CNTN6: variants seen among roughly 807,000 people sequenced by gnomAD.
CNTN6 encodes contactin-6.
CNTN6 carries 137 observed loss-of-function variants against 122.8 expected under a neutral mutation model. That is an observed-to-expected ratio of 1.12 (90% CI 0.97 to 1.29). The LOEUF (loss-of-function observed/expected upper bound fraction) is 1.29. CNTN6 is among the 50% of genes most tolerant of loss of function. The pLI, the probability that CNTN6 is intolerant of heterozygous loss-of-function variation, is 0.00. For synonymous variants in CNTN6, 570 were observed against 426.0 expected, an observed-to-expected ratio of 1.34 and a Z score of -4.16; for missense variants, 1,634 against 1,223.4, an observed-to-expected ratio of 1.34 and a Z score of -5.01.
intron 17 of CNTN6, among the ~76,000 whole-genome samples, chr3:1,377,381 C>A (rs144694624): frequency 5.9e-5 from 9 of 152,068 alleles, no homozygotes; most frequent in African/African-American, 2.2e-4. Context: ...GATTTGTTAC[C>A]TGTGGCACTG....
intron 6 of CNTN6, among the ~76,000 whole-genome samples, chr3:1,296,633 G>A (rs1377856301): frequency 6.6e-6 from 1 of 152,092 alleles, no homozygotes; most frequent in East Asian, 1.9e-4. Flanking sequence ...TGCTAATGAA[G>A]CATAACAGAA....
At chr3:1,343,377 C>G (rs1359417332) in intron 11 of CNTN6, among the ~76,000 whole-genome samples, 1 of 152,102 alleles carries the variant, frequency 6.6e-6, no homozygotes, top group African/African-American at 2.4e-5. Context: ...AACTTTTGTA[C>G]TGCTTTAAGG....
rs1171101315 is a variant in CNTN6, at chr3:1,321,709, A to G, written c.821A>G (p.Lys274Arg). 1 of 1,611,856 alleles carries G rather than the reference A, an allele frequency of 6.2e-7. No homozygotes were observed. Among genetic ancestry groups the G allele is most frequent in the Admixed American group, 1.7e-5 (1 of 59,780 alleles). Residue 274 changes from lysine (K) to arginine (R), a missense_variant, in exon 8 of 23, where the codon AAG (lysine) becomes AGG (arginine). By Grantham distance (26) the Lys-to-Arg change is conservative (BLOSUM62 2). Transcript: ENST00000446702. ...GGGAGCCCGTTGCCAGGGAAAGTCA[A>G]GTACAGCAAATCCCAAGCTATCCTT... ...LDGSPLPGKVKYSKSQAILEI... is the reference protein window; with the variant it reads ...LDGSPLPGKVRYSKSQAILEI...
At chr3:1,212,351 A>ACCAT (rs968562066) in intron 2 of CNTN6, among the ~76,000 whole-genome samples, 5 of 149,022 alleles carry the variant, frequency 3.4e-5, no homozygotes, top group African/African-American at 9.9e-5. Flanking sequence ...GGTGTGAGCC[A>ACCAT]CCATGCCCAG....
intron 1 of CNTN6, among the ~76,000 whole-genome samples, chr3:1,107,658 T>G (rs1160254999): frequency 6.6e-6 from 1 of 152,084 alleles, no homozygotes; most frequent in Non-Finnish European, 1.5e-5. Context: ...CCAGGTGTGG[T>G]GGCTAATTTC....
chr3:1,202,268 C>T (rs72999864), intron 2 of CNTN6, among the ~76,000 whole-genome samples: 16,023 of 152,130 alleles, frequency 0.11, 910 homozygotes, highest in Non-Finnish European at 0.13. Flanking sequence ...GGGCCGGGCG[C>T]GGTGGCTCAC....
At chr3:1,382,348 G>C (rs1054900279) in intron 17 of CNTN6, among the ~76,000 whole-genome samples, 3 of 152,120 alleles carry the variant, frequency 2.0e-5, no homozygotes, top group Non-Finnish European at 2.9e-5. Context: ...TATAGAATCT[G>C]ATCTTTGTGA....
chr3:1,343,995 G>T (rs1441166565), intron 11 of CNTN6, among the ~76,000 whole-genome samples: 1 of 152,130 alleles, frequency 6.6e-6, no homozygotes, highest in African/African-American at 2.4e-5. Context: ...GTACAAGACA[G>T]TAAAATGATT....
chr3:1,275,894 C>T (rs1398416882), intron 4 of CNTN6, among the ~76,000 whole-genome samples: 1 of 152,134 alleles, frequency 6.6e-6, no homozygotes, highest in Non-Finnish European at 1.5e-5. Flanking sequence ...TCATCTCCTG[C>T]TGCGTGGTTT....
chr3:1,254,150 C>G (rs2094716008), intron 4 of CNTN6, among the ~76,000 whole-genome samples: 1 of 152,112 alleles, frequency 6.6e-6, no homozygotes, highest in African/African-American at 2.4e-5. Flanking sequence ...TTTTTAAAGA[C>G]ATAAAATATA....
intron 8 of CNTN6, among the ~76,000 whole-genome samples, chr3:1,323,811 A>G (rs947570080): frequency 1.3e-5 from 2 of 151,794 alleles, no homozygotes; most frequent in Non-Finnish European, 1.5e-5. Flanking sequence ...CTCTTCTCCC[A>G]TGAATTTCCT....
chr3:1,333,124 G>C (rs1473813586), intron 11 of CNTN6, among the ~76,000 whole-genome samples: 4 of 151,986 alleles, frequency 2.6e-5, no homozygotes, highest in African/African-American at 9.7e-5. Flanking sequence ...CCTAGGAATT[G>C]GCATCAGATT....
At chr3:1,185,587 T>C (rs899384465) in intron 2 of CNTN6, among the ~76,000 whole-genome samples, 12 of 152,164 alleles carry the variant, frequency 7.9e-5, no homozygotes, top group African/African-American at 2.7e-4. Flanking sequence ...CATCTGTTAA[T>C]AGATTTCAGG....
At position 1,346,806 on chromosome 3, in the gene CNTN6, A is replaced by G. The variant is rs185845350; in HGVS notation, c.1365-5518A>G. Among the ~76,000 whole-genome samples the G allele has an allele frequency of 1.8e-4, 27 of 152,274 alleles. 1 individual carries two copies. The highest frequency in any genetic ancestry group is 6.5e-4 in the African/African-American group (27 of 41,576). On this transcript the variant is annotated intron_variant, in intron 11 of 22. Coordinates refer to ENST00000446702, the MANE Select transcript of CNTN6 (RefSeq NM_001289080.2). ...TAAAGTAACACAAAATCTGATGCACATGCTGCGGGTAAAGAAGCCCTCCAA... is the reference window on the plus strand; with the variant it reads ...TAAAGTAACACAAAATCTGATGCACGTGCTGCGGGTAAAGAAGCCCTCCAA...
intron 2 of CNTN6, among the ~76,000 whole-genome samples, chr3:1,197,188 TG>T (rs2093790016): frequency 6.6e-6 from 1 of 152,244 alleles, no homozygotes; most frequent in Non-Finnish European, 1.5e-5. Context: ...GCAGTGCCAT[TG>T]TTCATTGACA....
At chr3:1,337,082 C>T (rs953859392) in intron 11 of CNTN6, among the ~76,000 whole-genome samples, 1 of 152,016 alleles carries the variant, frequency 6.6e-6, no homozygotes, top group African/African-American at 2.4e-5. Flanking sequence ...GTTTGAAAGC[C>T]GTTAGCATAA....
At chr3:1,184,595 A>G (rs986375567) in intron 2 of CNTN6, among the ~76,000 whole-genome samples, 2 of 152,340 alleles carry the variant, frequency 1.3e-5, no homozygotes, top group African/African-American at 2.4e-5. Context: ...AAAAATTTAT[A>G]TAAAAATACT....
chr3:1,280,530 TC>T (rs1693211942), intron 5 of CNTN6, among the ~76,000 whole-genome samples: 1 of 137,402 alleles, frequency 7.3e-6, no homozygotes, highest in Non-Finnish European at 1.5e-5. Flanking sequence ...AGTGGCTCGA[TC>T]TTGGCTCACT....
At chr3:1,179,904 A>C (rs1429448004) in intron 2 of CNTN6, among the ~76,000 whole-genome samples, 2 of 152,148 alleles carry the variant, frequency 1.3e-5, no homozygotes, top group Non-Finnish European at 2.9e-5. Flanking sequence ...ACTGAACCAC[A>C]TTCCTTCTTT....
Sources: gnomAD v4.1 joint callset for allele counts (sites outside exome capture counted in the v4.1 genomes callset) on GRCh38, gnomAD v4.1.1 for gene constraint, MANE v1.5 for transcripts, NCBI Gene and HGNC (gene_info 2026-07-23, HGNC 2026-07-21) for gene names.